RUFY3: variants seen among roughly 807,000 people sequenced by gnomAD.
The protein encoded by RUFY3 is RUN and FYVE domain containing 3.
In RUFY3, 34 loss-of-function variants were observed where a neutral mutation model predicts 84.0. The ratio of observed to expected loss-of-function variants is 0.40; its 90% CI spans 0.31 to 0.54. RUFY3 has a LOEUF of 0.54. RUFY3 is among the 20% of genes least tolerant of loss of function. The pLI is 0.39. For synonymous variants in RUFY3, 242 were observed against 252.9 expected (o/e 0.96, Z 0.41); for missense variants, 507 against 736.8 (o/e 0.69, Z 3.61).
At chr4:70,748,100 C>T (rs1458218106) in intron 1 of RUFY3, among the ~76,000 whole-genome samples, 1 of 152,202 alleles carries the variant, frequency 6.6e-6, no homozygotes, top group Admixed American at 6.5e-5. Flanking sequence ...TCTCTTCCCT[C>T]AAATTCATTT....
chr4:70,788,045 G>T (rs1730191848), intron 10 of RUFY3, among the ~76,000 whole-genome samples: 1 of 147,240 alleles, frequency 6.8e-6, no homozygotes, highest in Admixed American at 6.9e-5. Flanking sequence ...CCAGCACTTT[G>T]GGAGGCTGAG....
At chr4:70,739,790 C>G (rs577421416) in intron 1 of RUFY3, among the ~76,000 whole-genome samples, 1 of 150,570 alleles carries the variant, frequency 6.6e-6, no homozygotes, top group Non-Finnish European at 1.5e-5. Context: ...GGGCCAGGCT[C>G]ACCTTCTACC....
chr4:70,710,972 G>C (rs1740917392), intron 1 of RUFY3, among the ~76,000 whole-genome samples: 1 of 149,238 alleles, frequency 6.7e-6, no homozygotes, highest in South Asian at 2.1e-4. Flanking sequence ...AGCTGAGGCA[G>C]GAGAACCGCT....
At chr4:70,793,249 A>C (rs1731087705) in intron 12 of RUFY3, 2 of 987,180 alleles carry the variant, frequency 2.0e-6, no homozygotes. Flanking sequence ...GAATAACCCA[A>C]AGCCTAGGTG....
At chr4:70,733,137 G>GGGGAGAGAGAGAGAGA (rs1220515845) in intron 1 of RUFY3, among the ~76,000 whole-genome samples, 1 of 86,636 alleles carries the variant, frequency 1.2e-5, no homozygotes, top group Non-Finnish European at 2.2e-5. Flanking sequence ...AGGGAGGGAG[G>GGGGAGAGAGAGAGAGA]GAGAGAGAGA....
At chr4:70,797,449 A>T (rs1731667169) in intron 14 of RUFY3, among the ~76,000 whole-genome samples, 1 of 152,220 alleles carries the variant, frequency 6.6e-6, no homozygotes, top group Admixed American at 6.5e-5. Flanking sequence ...TAAACTATTT[A>T]AAATTTCTAG....
intron 1 of RUFY3, among the ~76,000 whole-genome samples, chr4:70,708,567 A>G (rs2148553802): frequency 6.6e-6 from 1 of 152,300 alleles, no homozygotes; most frequent in African/African-American, 2.4e-5. Flanking sequence ...TAGCAACCCA[A>G]TTTTTAACTC....
At chr4:70,755,727 G>A (rs995859092) in intron 1 of RUFY3, among the ~76,000 whole-genome samples, 12 of 152,082 alleles carry the variant, frequency 7.9e-5, no homozygotes, top group Non-Finnish European at 1.3e-4. Context: ...TGAGGCGGGC[G>A]GATCACGAGG....
chr4:70,797,857 AT>A (rs1274873571), intron 14 of RUFY3, among the ~76,000 whole-genome samples: 6 of 152,086 alleles, frequency 3.9e-5, no homozygotes, highest in South Asian at 2.1e-4. Context: ...AAATAAAAAA[AT>A]AATAAAAAAA....
At chr4:70,803,587 A>G (rs1202139538) in intron 16 of RUFY3, among the ~76,000 whole-genome samples, 3 of 151,302 alleles carry the variant, frequency 2.0e-5, no homozygotes, top group Admixed American at 2.0e-4. Flanking sequence ...CCGAGTAGCT[A>G]GGGCTGCAGA....
intron 13 of RUFY3, 180 bp from the exon 14 acceptor site, chr4:70,794,615 C>G: frequency 1.7e-6 from 1 of 602,630 alleles, no homozygotes. Context: ...TAAATGTGTC[C>G]AGATTCACAC....
rs942070724 is a variant in RUFY3, at chr4:70,778,173, G to A, written c.825-196G>A. ...CACTTGAACCCAGGAGGCAGAGGTT[G>A]CAGGGAGCCGAGAATCGCACCACTG... On this transcript the variant is annotated intron_variant, in intron 7 of 17. Coordinates refer to ENST00000381006, the MANE Select transcript of RUFY3 (RefSeq NM_001037442.4). 2.6e-5 allele frequency among the ~76,000 whole-genome samples: 4 copies of A among 152,284 alleles called. No homozygotes were observed. The South Asian group carries it at 6.2e-4, about 24-fold the overall frequency.
At chr4:70,753,098 T>A (rs545716717) in intron 1 of RUFY3, among the ~76,000 whole-genome samples, 36 of 152,302 alleles carry the variant, frequency 2.4e-4, no homozygotes, top group African/African-American at 8.2e-4. Flanking sequence ...CTGTTCAGAT[T>A]TCCTATTTCT....
rs184066454 is a variant in RUFY3, at chr4:70,732,023, G to A, written c.178+9272G>A. ...AAACTCCTTTTCAACATACTTACCT[G>A]TTCCAGTCAGACTGTGCTTCAGTAA... On this transcript the variant is annotated intron_variant, in intron 1 of 17. Transcript: ENST00000381006. 7.0e-4 allele frequency among the ~76,000 whole-genome samples: 106 copies of A among 152,254 alleles called. No individual in the cohort carries two copies. In the Middle Eastern group the frequency reaches 0.014, roughly 20 times the overall value.
chr4:70,768,655 C>T lies in RUFY3; in HGVS notation c.690C>T (p.Asp230=), dbSNP rs1726408579. 1 of 1,613,432 alleles carries T rather than the reference C, an allele frequency of 6.2e-7. No homozygotes were observed. ...TCTGTATGAAAGGAGAAGACTTGGA[C>T]TCTCAGGTATGGGAAAGAGACTCAT... ...ANFCMKGEDL[D]SQVGVIDFSM... Residue 230 remains aspartate, a synonymous_variant, in exon 5 of 18, where the codon GAC becomes GAT. Transcript: ENST00000381006.
At chr4:70,800,060 G>C (rs752496738) in intron 14 of RUFY3, 81 bp from the exon 15 acceptor site, 121 of 1,326,424 alleles carry the variant, frequency 9.1e-5, no homozygotes, top group Non-Finnish European at 8.1e-5. Context: ...CCCAAACTAA[G>C]GCATTGCAGA....
chr4:70,752,026 C>A (rs1448190296), intron 1 of RUFY3, among the ~76,000 whole-genome samples: 1 of 152,080 alleles, frequency 6.6e-6, no homozygotes, highest in Non-Finnish European at 1.5e-5. Context: ...AGTGATCCAC[C>A]CACTTAGGTC....
intron 12 of RUFY3, chr4:70,792,016 G>A (rs1730905257): frequency 2.0e-6 from 2 of 985,176 alleles, no homozygotes; most frequent in South Asian, 9.4e-5. Context: ...TGGACGCCTG[G>A]GGAAACCCTC....
At chr4:70,804,879 C>G (rs974191264) in intron 17 of RUFY3, among the ~76,000 whole-genome samples, 1 of 151,940 alleles carries the variant, frequency 6.6e-6, no homozygotes, top group Non-Finnish European at 1.5e-5. Flanking sequence ...GAGCCAAGAT[C>G]ACACCATTGC....
Sources: gnomAD v4.1 joint callset for allele counts (sites outside exome capture counted in the v4.1 genomes callset) on GRCh38, gnomAD v4.1.1 for gene constraint, MANE v1.5 for transcripts, NCBI Gene and HGNC (gene_info 2026-07-23, HGNC 2026-07-21) for gene names.